Variants in COL19A1 observed in about 807,000 individuals in gnomAD.
COL19A1 encodes the protein collagen type XIX alpha 1 chain.
In COL19A1, 159 loss-of-function variants were observed where a neutral mutation model predicts 190.2. The observed-to-expected ratio is 0.84, with a 90% CI of 0.73 to 0.95. The LOEUF (loss-of-function observed/expected upper bound fraction) is 0.95, where lower values mean the gene tolerates loss of function less well. Ranked by LOEUF, COL19A1 falls within the 40% of genes least tolerant of loss-of-function variation. COL19A1 has a pLI of 0.00. For missense variants in COL19A1, 1,418 were observed against 1,431.9 expected (o/e 0.99, Z 0.16); for synonymous variants, 509 against 458.9 (o/e 1.11, Z -1.39).
intron 9 of COL19A1, among the ~76,000 whole-genome samples, chr6:69,943,659 T>C (rs1429751425): frequency 6.6e-6 from 1 of 152,166 alleles, no homozygotes; most frequent in African/African-American, 2.4e-5. Flanking sequence ...AAGACTGTCC[T>C]TTCCTCAATG....
intron 4 of COL19A1, among the ~76,000 whole-genome samples, chr6:69,925,419 G>T (rs563935850): frequency 6.6e-6 from 1 of 152,124 alleles, no homozygotes; most frequent in South Asian, 2.1e-4. Context: ...TATTTCTGAG[G>T]GCTCTGTTCT....
chr6:70,142,154 G>A, intron 22 of COL19A1, 78 bp downstream of exon 22: 1 of 1,287,466 alleles, frequency 7.8e-7, no homozygotes, highest in South Asian at 1.3e-5. Context: ...TGGTGCTTTG[G>A]TATGCCACTC....
At chr6:69,909,056 AC>A (rs1770735888) in intron 4 of COL19A1, among the ~76,000 whole-genome samples, 1 of 152,180 alleles carries the variant, frequency 6.6e-6, no homozygotes, top group East Asian at 1.9e-4. Context: ...CAATAATGTC[AC>A]TATTATTGCC....
In COL19A1 at chr6:70,130,174, A is replaced by T. The variant is rs1562202491; in HGVS notation, c.1342-8A>T. ...TCTTTTGTATTTTAAATTGTTTTTC[A>T]CCCCTAGGGAAATGATGAACATGAA... is the stretch of plus-strand genomic sequence containing the variant. On this transcript the variant is annotated splice_polypyrimidine_tract_variant and splice_region_variant and intron_variant, in intron 17 of 50. Coordinates refer to ENST00000620364, the MANE Select transcript of COL19A1 (RefSeq NM_001858.6). The T allele has an allele frequency of 1.2e-6, 2 of 1,609,812 alleles. No individual in the cohort carries two copies. Among genetic ancestry groups the T allele is most frequent in the Non-Finnish European group, 1.7e-6 (2 of 1,178,890 alleles).
intron 9 of COL19A1, among the ~76,000 whole-genome samples, chr6:69,957,682 T>A (rs1774506184): frequency 6.6e-6 from 1 of 152,168 alleles, no homozygotes; most frequent in South Asian, 2.1e-4. Flanking sequence ...TCTTATTTCT[T>A]CTTGGACTGA....
chr6:69,994,945 C>T (rs1327250421), intron 11 of COL19A1, among the ~76,000 whole-genome samples: 2 of 152,126 alleles, frequency 1.3e-5, no homozygotes, highest in African/African-American at 4.8e-5. Context: ...CCTGGCTTCA[C>T]CAAAGAGGCA....
intron 7 of COL19A1, among the ~76,000 whole-genome samples, chr6:69,935,719 T>G (rs529219836): frequency 2.0e-5 from 3 of 152,136 alleles, no homozygotes; most frequent in Non-Finnish European, 4.4e-5. Context: ...TTTTTTTTAT[T>G]TCTTATTTCC....
At chr6:69,972,893 C>T (rs1243436567) in intron 11 of COL19A1, among the ~76,000 whole-genome samples, 1 of 152,128 alleles carries the variant, frequency 6.6e-6, no homozygotes, top group Non-Finnish European at 1.5e-5. Context: ...TAAAGGTTGT[C>T]TACTGGCTCC....
chr6:70,192,465 T>TTCTTTCTTTCTTTATTTCTCTCTCTC (rs1766934535), intron 48 of COL19A1, among the ~76,000 whole-genome samples: 2 of 146,760 alleles, frequency 1.4e-5, no homozygotes, highest in Non-Finnish European at 3.0e-5. Flanking sequence ...TTCTTTCTTC[T>TTCTTTCTTTCTTTATTTCTCTCTCTC]TCTTTCTTTC....
chr6:69,997,347 GA>G (rs1776975008), intron 11 of COL19A1, among the ~76,000 whole-genome samples: 1 of 152,098 alleles, frequency 6.6e-6, no homozygotes, highest in Non-Finnish European at 1.5e-5. Context: ...AAAATAAAGA[GA>G]AAAATGGGCC....
At chr6:70,192,933 C>A (rs1766974398) in intron 48 of COL19A1, among the ~76,000 whole-genome samples, 1 of 152,114 alleles carries the variant, frequency 6.6e-6, no homozygotes, top group Non-Finnish European at 1.5e-5. Flanking sequence ...AACTCTTAAT[C>A]CCTATGGGCT....
chr6:69,934,844 T>A (rs1772998998), intron 7 of COL19A1, among the ~76,000 whole-genome samples: 1 of 151,972 alleles, frequency 6.6e-6, no homozygotes, highest in African/African-American at 2.4e-5. Context: ...GGATAAATAA[T>A]TATATAAAAG....
At position 70,010,419 on chromosome 6, in the gene COL19A1, C is replaced by T. The variant is rs185032151; in HGVS notation, c.1027-13208C>T. ...CTCCCAGCGTGAGCGACGCAGAAGA[C>T]GGTGATTTCTGCATTTCCATCTGAG... On this transcript the variant is annotated intron_variant, in intron 11 of 50. Transcript: ENST00000620364. Among the ~76,000 whole-genome samples, 109 of 147,032 alleles carry T rather than the reference C, an allele frequency of 7.4e-4. 9 individuals are homozygous for T. Among genetic ancestry groups the T allele is most frequent in the Non-Finnish European group, 1.3e-3 (85 of 66,868 alleles).
chr6:70,064,158 G>T (rs1252275300), intron 14 of COL19A1, among the ~76,000 whole-genome samples: 1 of 152,026 alleles, frequency 6.6e-6, no homozygotes, highest in African/African-American at 2.4e-5. Context: ...ACCAAAGCCT[G>T]GCAGAGACAC....
chr6:70,036,454 T>C (rs1356444109), intron 14 of COL19A1, among the ~76,000 whole-genome samples: 1 of 152,220 alleles, frequency 6.6e-6, no homozygotes, highest in African/African-American at 2.4e-5. Context: ...AATATTTTAG[T>C]GACAGATTTA....
chr6:69,995,522 AT>A (rs111245935), intron 11 of COL19A1, among the ~76,000 whole-genome samples: 18,397 of 145,576 alleles, frequency 0.13, 1,477 homozygotes, highest in African/African-American at 0.24. Context: ...AAACCGTGTG[AT>A]TTTTTTTTTT....
chr6:70,204,236 G>A (rs559308983), intron 49 of COL19A1, among the ~76,000 whole-genome samples: 75 of 152,256 alleles, frequency 4.9e-4, no homozygotes, highest in African/African-American at 1.7e-3. Context: ...TTTAAAGACA[G>A]GTCCACGCTG....
At chr6:69,978,256 G>T (rs946534477) in intron 11 of COL19A1, among the ~76,000 whole-genome samples, 4 of 152,148 alleles carry the variant, frequency 2.6e-5, no homozygotes, top group South Asian at 2.1e-4. Flanking sequence ...TACATATATA[G>T]AGAGAGAGAA....
In COL19A1 at chr6:70,188,196, C is replaced by T; in HGVS notation, c.2978C>T (p.Ser993Phe). The change falls in exon 47 of 51, where the codon TCC becomes TTC. Residue 993 changes from serine (S) to phenylalanine (F), a missense_variant. By Grantham distance (155) the Ser-to-Phe change is radical. Coordinates refer to ENST00000620364, the MANE Select transcript of COL19A1 (RefSeq NM_001858.6). Reference protein sequence around the residue: ...GPPGNKGSMGSPGHQGPPGSP... With the variant: ...GPPGNKGSMGFPGHQGPPGSP... ...CCAGGAAACAAGGGCTCCATGGGATCCCCTGGCCACCAAGGCCCTCCAGGC... is the reference window on the plus strand; with the variant it reads ...CCAGGAAACAAGGGCTCCATGGGATTCCCTGGCCACCAAGGCCCTCCAGGC... 1 of 1,613,056 alleles carries T rather than the reference C, an allele frequency of 6.2e-7. No individual in the cohort carries two copies. The highest frequency in any genetic ancestry group is 1.1e-5 in the South Asian group (1 of 90,658).
Sources: allele counts gnomAD v4.1 joint callset (sites outside exome capture counted in the v4.1 genomes callset), GRCh38; gene constraint gnomAD v4.1.1; transcripts MANE v1.5; gene names NCBI Gene and HGNC (gene_info 2026-07-23, HGNC 2026-07-21).